SPMAP1: variants seen among roughly 807,000 people sequenced by gnomAD.
The protein encoded by SPMAP1 is uncharacterized protein C17orf98.
chr17:38,835,981 C>A, the SPMAP1 span, among the ~76,000 whole-genome samples: 1 of 152,134 alleles, frequency 6.6e-6, no homozygotes, highest in Non-Finnish European at 1.5e-5. Context: ...ATGGCGCAAT[C>A]TCGGATCACT....
chr17:38,835,163 G>A, the SPMAP1 span: 7 of 1,608,062 alleles, frequency 4.4e-6, no homozygotes, highest in East Asian at 6.7e-5. Flanking sequence ...AATTCAGGTC[G>A]ATGGCTATGA....
the SPMAP1 span, among the ~76,000 whole-genome samples, chr17:38,837,564 G>A: frequency 2.0e-5 from 3 of 151,646 alleles, no homozygotes; most frequent in Non-Finnish European, 4.4e-5. Flanking sequence ...TGTAATCCCA[G>A]CTGCTCAGGA....
chr17:38,838,811 G>A, the SPMAP1 span, among the ~76,000 whole-genome samples: 1 of 151,560 alleles, frequency 6.6e-6, no homozygotes, highest in Non-Finnish European at 1.5e-5. Context: ...AAGGCCGGGT[G>A]CGGTGGCCCA....
chr17:38,837,184 C>T, the SPMAP1 span: 2 of 1,613,976 alleles, frequency 1.2e-6, no homozygotes, highest in Admixed American at 1.7e-5. Context: ...TTTGTCCTTG[C>T]CCGAAGATGT....
chr17:38,835,229 G>T, the SPMAP1 span: 1 of 1,614,214 alleles, frequency 6.2e-7, no homozygotes, highest in Non-Finnish European at 8.5e-7. Context: ...GAAGACGGAC[G>T]TGCTCTGACG....
At chr17:38,838,278 A>G in the SPMAP1 span, among the ~76,000 whole-genome samples, 1 of 152,132 alleles carries the variant, frequency 6.6e-6, no homozygotes, top group Admixed American at 6.6e-5. Flanking sequence ...AATACCTACC[A>G]CAAATGGTGG....
chr17:38,839,787 G>A, the SPMAP1 span, among the ~76,000 whole-genome samples: 2,116 of 151,940 alleles, frequency 0.014, 52 homozygotes, highest in African/African-American at 0.049. Context: ...GCGACAGAGC[G>A]AGACTCCGTC....
chr17:38,837,969 A>G, the SPMAP1 span, among the ~76,000 whole-genome samples: 1 of 151,812 alleles, frequency 6.6e-6, no homozygotes, highest in East Asian at 2.0e-4. Context: ...GCTCACTGCA[A>G]CCTCCGCTTC....
the SPMAP1 span, among the ~76,000 whole-genome samples, chr17:38,838,286 T>A: frequency 0.023 from 3,456 of 152,262 alleles, 55 homozygotes; most frequent in South Asian, 0.067. Context: ...CCACAAATGG[T>A]GGTTTTGATA....
chr17:38,835,323 C>T, the SPMAP1 span: 159 of 1,614,176 alleles, frequency 9.9e-5, no homozygotes, highest in African/African-American at 1.1e-3. Context: ...TGGTCATGCC[C>T]AGTCACCTGC....
chr17:38,837,343 G>C, the SPMAP1 span: 1 of 792,286 alleles, frequency 1.3e-6, no homozygotes. Flanking sequence ...ATAGGGAAGA[G>C]GTCAGAGCCT....
At chr17:38,841,067 T>G in the SPMAP1 span, 1 of 662,230 alleles carries the variant, frequency 1.5e-6, no homozygotes. Context: ...AATAAAAATT[T>G]AAAAAAGAAA....
At chr17:38,838,532 A>C in the SPMAP1 span, among the ~76,000 whole-genome samples, 1 of 151,952 alleles carries the variant, frequency 6.6e-6, no homozygotes, top group South Asian at 2.1e-4. Context: ...CCCAGGAGAC[A>C]GAGGTTGAAG....
the SPMAP1 span, chr17:38,841,331 A>G: frequency 6.2e-7 from 1 of 1,614,176 alleles, no homozygotes; most frequent in Non-Finnish European, 8.5e-7. Context: ...GCTCACAGCC[A>G]CCCCGTCCAA....
the SPMAP1 span, chr17:38,841,246 G>A: frequency 3.7e-6 from 6 of 1,614,188 alleles, no homozygotes; most frequent in Admixed American, 5.0e-5. Flanking sequence ...GGGCGTGGTA[G>A]TCCTGCTGCG....
At chr17:38,841,061 A>T in the SPMAP1 span, 1 of 640,480 alleles carries the variant, frequency 1.6e-6, no homozygotes. Flanking sequence ...ATAATAAATA[A>T]AAATTTAAAA....
the SPMAP1 span, among the ~76,000 whole-genome samples, chr17:38,839,335 C>T: frequency 3.3e-5 from 5 of 151,160 alleles, no homozygotes; most frequent in Non-Finnish European, 2.9e-5. Flanking sequence ...CATGGTGAAA[C>T]CCTGTCTCTG....
chr17:38,836,468 T>C, the SPMAP1 span, among the ~76,000 whole-genome samples: 4 of 151,698 alleles, frequency 2.6e-5, no homozygotes, highest in Non-Finnish European at 5.9e-5. Context: ...AGTGTGGTGG[T>C]GCACACCTGT....
At chr17:38,839,795 G>A in the SPMAP1 span, among the ~76,000 whole-genome samples, 3 of 151,714 alleles carry the variant, frequency 2.0e-5, no homozygotes, top group Middle Eastern at 3.4e-3. Context: ...GCGAGACTCC[G>A]TCTCAAAAAA....
Sources: gnomAD v4.1 joint callset for allele counts (sites outside exome capture counted in the v4.1 genomes callset) on GRCh38, gnomAD v4.1.1 for gene constraint, MANE v1.5 for transcripts, NCBI Gene and HGNC (gene_info 2026-07-23, HGNC 2026-07-21) for gene names.